Variants in TAF4B observed in about 807,000 individuals in gnomAD.
TAF4B encodes transcription initiation factor TFIID subunit 4B.
TAF4B carries 38 observed loss-of-function variants against 86.4 expected under a neutral mutation model. That is an observed-to-expected ratio of 0.44 (90% CI 0.34 to 0.58). The LOEUF (loss-of-function observed/expected upper bound fraction) is 0.58, where lower values mean the gene tolerates loss of function less well. Ranked by LOEUF, TAF4B falls within the 20% of genes least tolerant of loss-of-function variation. The probability of loss-of-function intolerance (pLI) is 0.02; values close to 1 mark genes in which losing one functional copy is unlikely to be tolerated. For synonymous variants in TAF4B, 388 were observed against 391.2 expected, an observed-to-expected ratio of 0.99 and a Z score of 0.10; for missense variants, 988 against 1,027.6, an observed-to-expected ratio of 0.96 and a Z score of 0.53.
intron 14 of TAF4B, among the ~76,000 whole-genome samples, chr18:26,375,888 G>A (rs9963445): frequency 0.31 from 46,374 of 151,824 alleles, 7,637 homozygotes; most frequent in African/African-American, 0.4. Context: ...TGTATATGGC[G>A]TCAGGTAGGG....
intron 9 of TAF4B, among the ~76,000 whole-genome samples, chr18:26,295,634 T>C (rs543073434): frequency 6.6e-6 from 1 of 152,314 alleles, no homozygotes; most frequent in East Asian, 1.9e-4. Context: ...CTGCTACCGG[T>C]ACATGGCCTG....
At chr18:26,349,430 A>T (rs1307462889) in intron 13 of TAF4B, among the ~76,000 whole-genome samples, 1 of 150,836 alleles carries the variant, frequency 6.6e-6, no homozygotes, top group African/African-American at 2.5e-5. Context: ...AGGCAATCCC[A>T]GTTAAAATCC....
chr18:26,327,215 G>A (rs2057011576), intron 12 of TAF4B, 75 bp downstream of exon 12: 5 of 1,526,462 alleles, frequency 3.3e-6, no homozygotes, highest in Admixed American at 1.9e-5. Flanking sequence ...TTGGTTGACT[G>A]TCTTGGTTTT....
At chr18:26,379,849 T>C (rs1203898709) in intron 14 of TAF4B, among the ~76,000 whole-genome samples, 4 of 152,152 alleles carry the variant, frequency 2.6e-5, no homozygotes, top group African/African-American at 9.6e-5. Flanking sequence ...TATCTCAATG[T>C]TTTAGTTTTC....
chr18:26,255,291 A>G (rs1246113382), intron 1 of TAF4B, among the ~76,000 whole-genome samples: 2 of 148,530 alleles, frequency 1.3e-5, no homozygotes, highest in East Asian at 1.9e-4. Flanking sequence ...TAAGTTAGAC[A>G]CTGGCTTCAG....
chr18:26,326,274 C>T (rs79642158), intron 11 of TAF4B, among the ~76,000 whole-genome samples: 2,942 of 152,256 alleles, frequency 0.019, 85 homozygotes, highest in African/African-American at 0.067. Context: ...TGGGAAAGCA[C>T]TGTTTTACAT....
At chr18:26,245,740 A>G (rs2055913928) in intron 1 of TAF4B, among the ~76,000 whole-genome samples, 1 of 152,224 alleles carries the variant, frequency 6.6e-6, no homozygotes, top group African/African-American at 2.4e-5. Flanking sequence ...TCCTCTTGTA[A>G]GACAGAAAAG....
At chr18:26,241,466 C>A (rs1159332691) in intron 1 of TAF4B, among the ~76,000 whole-genome samples, 1 of 152,014 alleles carries the variant, frequency 6.6e-6, no homozygotes, top group African/African-American at 2.4e-5. Context: ...CTATTTGATT[C>A]TTCTCTCTTT....
intron 14 of TAF4B, among the ~76,000 whole-genome samples, chr18:26,386,595 A>G (rs576258067): frequency 6.6e-6 from 1 of 152,134 alleles, no homozygotes; most frequent in South Asian, 2.1e-4. Flanking sequence ...CCCCATGGGA[A>G]CTCACTCTCC....
At chr18:26,383,891 A>G (rs1250516858) in intron 14 of TAF4B, among the ~76,000 whole-genome samples, 2 of 152,152 alleles carry the variant, frequency 1.3e-5, no homozygotes, top group African/African-American at 4.8e-5. Flanking sequence ...GAGGGCAGTG[A>G]ATTTTGAAGC....
intron 9 of TAF4B, among the ~76,000 whole-genome samples, chr18:26,301,806 A>G (rs750655467): frequency 3.9e-5 from 6 of 152,014 alleles, no homozygotes; most frequent in Non-Finnish European, 7.4e-5. Flanking sequence ...TTGGACTTCA[A>G]CTTCTTGTCT....
intron 3 of TAF4B, among the ~76,000 whole-genome samples, chr18:26,273,235 G>A (rs186490762): frequency 1.3e-5 from 2 of 152,278 alleles, no homozygotes; most frequent in South Asian, 2.1e-4. Flanking sequence ...TCATTTCAAT[G>A]TCTTTAATTT....
Position 26,335,216 on chromosome 18 carries a change from G to A in TAF4B, c.2301G>A (p.Lys767=), listed in dbSNP as rs1449217616. ...NKEDPEQLRL[K]QKAKELQQLE... is the part of the protein sequence containing the mutation. ...AAGATCCAGAACAGCTGAGATTAAA[G>A]CAGAAAGCCAAAGAGGTAGGACTTT... The change falls in exon 13 of 15, where the codon AAG becomes AAA. Residue 767 remains lysine (K), a synonymous_variant. Coordinates refer to ENST00000269142, the MANE Select transcript of TAF4B (RefSeq NM_005640.3). The A allele has an allele frequency of 6.5e-7, 1 of 1,543,888 alleles. No homozygotes were observed. Among genetic ancestry groups the A allele is most frequent in the East Asian group, 2.4e-5 (1 of 40,986 alleles).
intron 7 of TAF4B, among the ~76,000 whole-genome samples, chr18:26,288,410 G>A (rs941650536): frequency 4.6e-5 from 7 of 152,104 alleles, no homozygotes; most frequent in African/African-American, 1.7e-4. Flanking sequence ...CGAGGCGGGC[G>A]GATCACCTGA....
chr18:26,391,040 T>TA lies in TAF4B; in HGVS notation c.*1034dup, dbSNP rs1481395682. On this transcript the variant is annotated 3_prime_UTR_variant, in exon 15 of 15. Transcript: ENST00000269142. Reference sequence around the variant, plus strand: ...TAATTTTTAAGCATGTTGGCACATTTAAAAAATCCTAATTGATGATGAGAA... The same window carrying TA: ...TAATTTTTAAGCATGTTGGCACATTTAAAAAAATCCTAATTGATGATGAGAA... 4 of 152,230 alleles carry TA rather than the reference T, an allele frequency of 2.6e-5. No homozygotes were observed. Among genetic ancestry groups the TA allele is most frequent in the Non-Finnish European group, 5.9e-5 (4 of 68,038 alleles). The allele number at this position is 152,230 out of a possible 1,614,324, so 9.4% of individuals were successfully genotyped here. A position where few individuals can be genotyped will look rare whatever the true frequency, so the allele number is the denominator to read the frequency against.
At chr18:26,378,089 G>A (rs565079518) in intron 14 of TAF4B, among the ~76,000 whole-genome samples, 9 of 152,200 alleles carry the variant, frequency 5.9e-5, no homozygotes, top group East Asian at 5.8e-4. Flanking sequence ...CCTATGGGGC[G>A]TTTGGAAATG....
Position 26,390,149 on chromosome 18 carries a change from A to G in TAF4B, c.*137A>G. 1 of 860,956 alleles carries G rather than the reference A, an allele frequency of 1.2e-6. No individual in the cohort carries two copies. Among genetic ancestry groups the G allele is most frequent in the East Asian group, 2.5e-5 (1 of 39,324 alleles). 53.3% of individuals were successfully genotyped at this position (860,956 alleles called of 1,614,324 possible). On this transcript the variant is annotated 3_prime_UTR_variant, in exon 15 of 15. Transcript: ENST00000269142. ...AGCATTGTTTACAGTTAGAAACTTT[A>G]TTAACTCTTACCTATCCATCTCATG...
intron 1 of TAF4B, among the ~76,000 whole-genome samples, chr18:26,233,254 A>G (rs55774639): frequency 0.081 from 12,309 of 152,022 alleles, 595 homozygotes; most frequent in Middle Eastern, 0.13. Context: ...TCTGTGTTCT[A>G]TTTTCCCATT....
At chr18:26,307,222 A>G (rs1255611828) in intron 9 of TAF4B, among the ~76,000 whole-genome samples, 2 of 152,196 alleles carry the variant, frequency 1.3e-5, no homozygotes, top group Non-Finnish European at 2.9e-5. Flanking sequence ...ATAATATAGA[A>G]TGATATTTTC....
Sources: allele counts gnomAD v4.1 joint callset (sites outside exome capture counted in the v4.1 genomes callset), GRCh38; gene constraint gnomAD v4.1.1; transcripts MANE v1.5; gene names NCBI Gene and HGNC (gene_info 2026-07-23, HGNC 2026-07-21).